The following NXPE2 variants were observed in gnomAD, a reference collection of about 807,000 sequenced individuals.
NXPE2 encodes the protein NXPE family member 2.
In NXPE2, 34 loss-of-function variants were observed where a neutral mutation model predicts 34.4. The ratio of observed to expected loss-of-function variants is 0.99; its 90% CI spans 0.75 to 1.31. The LOEUF (loss-of-function observed/expected upper bound fraction) is 1.31. Among genes scored for constraint, NXPE2 ranks in the 40% most tolerant of loss-of-function variants. The pLI is 0.00. For synonymous variants in NXPE2, 235 were observed against 231.3 expected (o/e 1.02, Z -0.15); for missense variants, 649 against 672.5 (o/e 0.97, Z 0.39).
At chr11:114,572,592 G>A in the NXPE2 span, among the ~76,000 whole-genome samples, 5 of 152,182 alleles carry the variant, frequency 3.3e-5, 1 homozygote, top group African/African-American at 1.2e-4. Context: ...CTCAGCAATA[G>A]AATTGAACAA....
At chr11:114,811,602 C>T in the NXPE2 span, among the ~76,000 whole-genome samples, 3 of 152,132 alleles carry the variant, frequency 2.0e-5, no homozygotes, top group South Asian at 6.2e-4. Context: ...CGGGCCTTAC[C>T]CCTGGGTTGG....
chr11:114,486,681 G>T, the NXPE2 span, among the ~76,000 whole-genome samples: 1 of 152,052 alleles, frequency 6.6e-6, no homozygotes, highest in Non-Finnish European at 1.5e-5. Flanking sequence ...TGTTTATGGT[G>T]AGAGATAGGG....
At chr11:114,774,379 C>G in the NXPE2 span, among the ~76,000 whole-genome samples, 1 of 152,202 alleles carries the variant, frequency 6.6e-6, no homozygotes, top group Non-Finnish European at 1.5e-5. Context: ...ACAGTTGTTT[C>G]TTTTCATTGT....
chr11:114,608,870 C>G, the NXPE2 span, among the ~76,000 whole-genome samples: 1 of 151,474 alleles, frequency 6.6e-6, no homozygotes, highest in African/African-American at 2.4e-5. Context: ...ACCACTCTTA[C>G]CCGGTGGATA....
At chr11:114,727,774 AACACACACACACAC>A in the NXPE2 span, among the ~76,000 whole-genome samples, 11 of 127,640 alleles carry the variant, frequency 8.6e-5, no homozygotes, top group East Asian at 2.5e-4. Context: ...ATGTGTACAC[AACACACACACACAC>A]ACACACACAC....
At chr11:114,739,150 T>A in the NXPE2 span, among the ~76,000 whole-genome samples, 1 of 152,224 alleles carries the variant, frequency 6.6e-6, no homozygotes, top group Admixed American at 6.5e-5. Context: ...CACCAGCAGA[T>A]GGCACTGAAT....
At chr11:114,484,183 T>C in the NXPE2 span, among the ~76,000 whole-genome samples, 7 of 152,180 alleles carry the variant, frequency 4.6e-5, no homozygotes, top group African/African-American at 1.7e-4. Context: ...TATCCCTTTG[T>C]ATTGTTCAAC....
the NXPE2 span, among the ~76,000 whole-genome samples, chr11:114,725,907 T>C: frequency 1.3e-5 from 2 of 149,378 alleles, no homozygotes; most frequent in Non-Finnish European, 3.0e-5. Flanking sequence ...CTATCTTGGC[T>C]TATGGTCCCT....
the NXPE2 span, among the ~76,000 whole-genome samples, chr11:114,629,469 A>T: frequency 0.014 from 2,064 of 151,466 alleles, 41 homozygotes; most frequent in African/African-American, 0.047. Context: ...AAAATTCAAC[A>T]ACCCTTCATG....
downstream of NXPE2, among the ~76,000 whole-genome samples, chr11:114,711,523 C>A (rs1352476892): frequency 6.6e-6 from 1 of 151,972 alleles, no homozygotes; most frequent in Non-Finnish European, 1.5e-5. Flanking sequence ...TTTCTTACAG[C>A]ACCAAAAAGG....
the NXPE2 span, among the ~76,000 whole-genome samples, chr11:114,531,932 T>G: frequency 6.6e-6 from 1 of 152,236 alleles, no homozygotes; most frequent in African/African-American, 2.4e-5. Flanking sequence ...TTTAAAAATA[T>G]GCACTCTTAG....
the NXPE2 span, among the ~76,000 whole-genome samples, chr11:114,600,057 C>A: frequency 1.3e-5 from 2 of 152,070 alleles, no homozygotes; most frequent in Admixed American, 1.3e-4. Flanking sequence ...ACAAAGTGAG[C>A]ATTAGAACTC....
the NXPE2 span, among the ~76,000 whole-genome samples, chr11:114,578,926 C>T: frequency 6.6e-6 from 1 of 152,172 alleles, no homozygotes; most frequent in African/African-American, 2.4e-5. Context: ...CTATGCCTTG[C>T]AATGTGTTAA....
chr11:114,673,903 C>T (rs1168148783), upstream of NXPE2, among the ~76,000 whole-genome samples: 1 of 151,764 alleles, frequency 6.6e-6, no homozygotes, highest in East Asian at 1.9e-4. Flanking sequence ...CACATCTCTC[C>T]TACAAACTAG....
chr11:114,535,445 T>C, the NXPE2 span, among the ~76,000 whole-genome samples: 1 of 152,138 alleles, frequency 6.6e-6, no homozygotes, highest in Admixed American at 6.5e-5. Context: ...TAACCATAAA[T>C]GTAAATGCGC....
chr11:114,513,936 A>T, the NXPE2 span, among the ~76,000 whole-genome samples: 1 of 152,242 alleles, frequency 6.6e-6, no homozygotes, highest in Non-Finnish European at 1.5e-5. Context: ...CAAAAGACAC[A>T]AAAGAATGAA....
the NXPE2 span, among the ~76,000 whole-genome samples, chr11:114,802,977 GAGGCCGTGGTGAAGCA>G: frequency 6.6e-6 from 1 of 152,086 alleles, no homozygotes; most frequent in African/African-American, 2.4e-5. Context: ...TGTTTACAGA[GAGGCCGTGGTGAAGCA>G]GGGCCCGCAG....
the NXPE2 span, among the ~76,000 whole-genome samples, chr11:114,490,261 C>T: frequency 3.7e-4 from 57 of 152,098 alleles, no homozygotes; most frequent in African/African-American, 1.3e-3. Context: ...GAATCAATAT[C>T]GTGAAAATGG....
At chr11:114,623,797 G>T in the NXPE2 span, among the ~76,000 whole-genome samples, 1 of 152,132 alleles carries the variant, frequency 6.6e-6, no homozygotes, top group African/African-American at 2.4e-5. Flanking sequence ...TTACCCTATG[G>T]ATAACAAGAA....
Sources: gnomAD v4.1 joint callset for allele counts (sites outside exome capture counted in the v4.1 genomes callset) on GRCh38, gnomAD v4.1.1 for gene constraint, MANE v1.5 for transcripts, NCBI Gene and HGNC (gene_info 2026-07-23, HGNC 2026-07-21) for gene names.